Variants in CACNB1 observed in about 807,000 individuals in gnomAD.
The protein encoded by CACNB1 is voltage-dependent L-type calcium channel subunit beta-1.
CACNB1 carries 29 observed loss-of-function variants against 71.6 expected under a neutral mutation model. The observed-to-expected ratio is 0.40, with a 90% CI of 0.30 to 0.55. The LOEUF is 0.55. CACNB1 is among the 20% of genes least tolerant of loss of function. CACNB1 has a pLI of 0.38. For missense variants in CACNB1, 623 were observed against 801.8 expected, an observed-to-expected ratio of 0.78 and a Z score of 2.69; for synonymous variants, 300 against 319.6, an observed-to-expected ratio of 0.94 and a Z score of 0.65.
chr17:39,184,933 A>C, intron 7 of CACNB1, 69 bp from the exon 8 acceptor site: 1 of 1,193,416 alleles, frequency 8.4e-7, no homozygotes, highest in Non-Finnish European at 1.3e-6. Flanking sequence ...CCCAGACTCC[A>C]GGCTCCCCCA....
chr17:39,185,858 GT>G (rs1202269838), intron 6 of CACNB1: 1 of 1,400,432 alleles, frequency 7.1e-7, no homozygotes, highest in Non-Finnish European at 9.7e-7. Context: ...GAACAGGTTG[GT>G]ACCACATCTG....
At position 39,191,551 on chromosome 17, in the gene CACNB1, C is replaced by T. The variant is rs752993869; in HGVS notation, c.214G>A (p.Val72Ile). The part of the protein sequence containing the change: ...SYTSRPSDSD[V>I]SLEEDREALR... Reference sequence around the variant, plus strand: ...GCTTCCCGGTCCTCCTCCAGAGATACATCAGAGTCTGATGGACGGCTGGTG... The same window carrying T: ...GCTTCCCGGTCCTCCTCCAGAGATATATCAGAGTCTGATGGACGGCTGGTG... The change falls in exon 3 of 14, where the codon GTA becomes ATA. Residue 72 changes from valine (V) to isoleucine (I), a missense_variant. By Grantham distance (29) the Val-to-Ile change is conservative. Coordinates refer to ENST00000394303, the MANE Select transcript of CACNB1 (RefSeq NM_000723.5). 4.3e-6 allele frequency: 7 copies of T among 1,611,370 alleles called. No individual in the cohort carries two copies. The highest frequency in any genetic ancestry group is 1.3e-5 in the African/African-American group (1 of 74,722).
At chr17:39,178,419 C>T (rs534188023) in intron 11 of CACNB1, 6 of 201,578 alleles carry the variant, frequency 3.0e-5, no homozygotes, top group East Asian at 1.2e-4. Flanking sequence ...GACTGGTTCT[C>T]GCTCTGTCAC....
At chr17:39,195,827 C>T (rs927555369) in intron 1 of CACNB1, among the ~76,000 whole-genome samples, 2 of 152,184 alleles carry the variant, frequency 1.3e-5, no homozygotes, top group Non-Finnish European at 2.9e-5. Flanking sequence ...AAATGTCCCT[C>T]GGCCCCGCAC....
chr17:39,192,867 G>A (rs1355132938), intron 2 of CACNB1: 1 of 152,306 alleles, frequency 6.6e-6, no homozygotes, highest in Non-Finnish European at 1.5e-5. Flanking sequence ...GCGGAGGAAG[G>A]GTTGGGGTGG....
intron 11 of CACNB1, 103 bp from the exon 12 acceptor site, chr17:39,178,182 C>G: frequency 4.9e-6 from 4 of 819,622 alleles, no homozygotes. Flanking sequence ...GAGCCAGTGT[C>G]AAGACCCTTG....
In CACNB1 at chr17:39,175,272, C is replaced by G; in HGVS notation, c.1718G>C (p.Cys573Ser). The G allele has an allele frequency of 6.2e-7, 1 of 1,614,194 alleles. No homozygotes were observed. The change falls in exon 14 of 14, where the codon TGC (cysteine) becomes TCC (serine). Residue 573 changes from cysteine (C) to serine (S), a missense_variant. Transcript: ENST00000394303. The surrounding 1 kb of genome is among the most constrained non-coding windows in gnomAD (Gnocchi z 4.7). ...CAAAACTGGACCCCCACCCTCAGCGCAGTAGCGGGCCTTATTCCGGCCCCG... is the reference window on the plus strand; with the variant it reads ...CAAAACTGGACCCCCACCCTCAGCGGAGTAGCGGGCCTTATTCCGGCCCCG... ...RNRGRNKARY[C>S]AEGGGPVLGR...
At chr17:39,190,634 C>T (rs538725737) in intron 3 of CACNB1, among the ~76,000 whole-genome samples, 17 of 151,456 alleles carry the variant, frequency 1.1e-4, no homozygotes, top group African/African-American at 4.1e-4. Context: ...CACCACATTG[C>T]CCAAGCTGGT....
intron 6 of CACNB1, chr17:39,185,848 G>A: frequency 7.6e-7 from 1 of 1,321,646 alleles, no homozygotes; most frequent in Non-Finnish European, 1.0e-6. Context: ...GATGCCCACA[G>A]AACAGGTTGG....
chr17:39,185,184 G>A (rs747996784), intron 6 of CACNB1, 34 bp from the exon 7 acceptor site: 3 of 1,598,064 alleles, frequency 1.9e-6, no homozygotes, highest in East Asian at 2.2e-5. Flanking sequence ...AGGGAAGGGG[G>A]AGGAGAGAGG....
At chr17:39,187,344 G>A (rs1480742343) in intron 4 of CACNB1, 135 bp downstream of exon 4, 8 of 963,886 alleles carry the variant, frequency 8.3e-6, no homozygotes, top group South Asian at 3.1e-5. Flanking sequence ...GAGGCTCAGA[G>A]AGGTGGAGAG....
At chr17:39,195,918 G>A (rs902330111) in intron 1 of CACNB1, among the ~76,000 whole-genome samples, 3 of 152,134 alleles carry the variant, frequency 2.0e-5, no homozygotes, top group African/African-American at 4.8e-5. Context: ...AGGAAATACC[G>A]CCTGACCATT....
intron 4 of CACNB1, chr17:39,187,131 T>G (rs1482945988): frequency 3.2e-6 from 2 of 619,508 alleles, no homozygotes; most frequent in Admixed American, 5.8e-5. Flanking sequence ...TTTCTGGCCA[T>G]GGACCACCCT....
In CACNB1 at chr17:39,191,531, C is replaced by T. The variant is rs2144166590; in HGVS notation, c.234G>A (p.Arg78=). 1.9e-6 allele frequency: 3 copies of T among 1,610,682 alleles called. No homozygotes were observed. Among genetic ancestry groups the T allele is most frequent in the Non-Finnish European group, 2.5e-6 (3 of 1,179,018 alleles). Residue 78 remains arginine (R), a synonymous_variant, in exon 3 of 14, where the codon CGG becomes CGA. Transcript: ENST00000394303. ...GCTCTGCTTCCTTCCTTAAGGCTTCCCGGTCCTCCTCCAGAGATACATCAG... is the reference window on the plus strand; with the variant it reads ...GCTCTGCTTCCTTCCTTAAGGCTTCTCGGTCCTCCTCCAGAGATACATCAG... ...SDSDVSLEED[R]EALRKEAERQ...
At chr17:39,183,659 A>C (rs752977673) in intron 11 of CACNB1, 54 bp downstream of exon 11, 1 of 1,429,788 alleles carries the variant, frequency 7.0e-7, no homozygotes, top group Non-Finnish European at 9.4e-7. Flanking sequence ...ATTTAAACCC[A>C]AGCAGCCCTT....
intron 7 of CACNB1, 37 bp from the exon 8 acceptor site, chr17:39,184,901 G>C: frequency 7.2e-7 from 1 of 1,379,674 alleles, no homozygotes. Context: ...CCCCAGAGTG[G>C]AGATGACATT....
At chr17:39,179,096 A>G (rs1022095724) in intron 11 of CACNB1, among the ~76,000 whole-genome samples, 1 of 151,806 alleles carries the variant, frequency 6.6e-6, no homozygotes, top group Admixed American at 6.6e-5. Context: ...GATCGAGACC[A>G]TCCTGGCTAA....
chr17:39,177,487 C>G lies in CACNB1; in HGVS notation c.1195G>C (p.Glu399Gln). 6.2e-7 allele frequency: 1 copy of G among 1,608,308 alleles called. No individual in the cohort carries two copies. The highest frequency in any genetic ancestry group is 8.5e-7 in the Non-Finnish European group (1 of 1,175,796). ...LDENQLEDACEHLAEYLEAYW... is the reference protein window; with the variant it reads ...LDENQLEDACQHLAEYLEAYW... ...GCTTCCAAGTACTCCGCCAGATGCTCGCAGGCATCCTCCAATTGGTTCTCA... is the reference window on the plus strand; with the variant it reads ...GCTTCCAAGTACTCCGCCAGATGCTGGCAGGCATCCTCCAATTGGTTCTCA... The change falls in exon 13 of 14, where the codon GAG becomes CAG. Residue 399 changes from glutamate (E) to glutamine (Q), a missense_variant. Coordinates refer to ENST00000394303, the MANE Select transcript of CACNB1 (RefSeq NM_000723.5).
Position 39,175,258 on chromosome 17 carries a change from C to G in CACNB1, c.1732G>C (p.Gly578Arg), listed in dbSNP as rs1192753272. Residue 578 changes from glycine to arginine, a missense_variant, in exon 14 of 14, where the codon GGT becomes CGT. By Grantham distance (125) the Gly-to-Arg change is moderately radical (BLOSUM62 -2). Coordinates refer to ENST00000394303, the MANE Select transcript of CACNB1 (RefSeq NM_000723.5). The surrounding 1 kb of genome is among the most constrained non-coding windows in gnomAD (Gnocchi z 4.7). ...TTCTTGTTGCGCCCCAAAACTGGACCCCCACCCTCAGCGCAGTAGCGGGCC... is the reference window on the plus strand; with the variant it reads ...TTCTTGTTGCGCCCCAAAACTGGACGCCCACCCTCAGCGCAGTAGCGGGCC... ...NKARYCAEGG[G>R]PVLGRNKNEL... 1 of 1,614,180 alleles carries G rather than the reference C, an allele frequency of 6.2e-7. No individual in the cohort carries two copies. Among genetic ancestry groups the G allele is most frequent in the East Asian group, 2.2e-5 (1 of 44,874 alleles).
Sources: gnomAD v4.1 joint callset for allele counts (sites outside exome capture counted in the v4.1 genomes callset) on GRCh38, gnomAD v4.1.1 for gene constraint, Gnocchi (gnomAD v3.1) non-coding constraint, MANE v1.5 for transcripts, NCBI Gene and HGNC (gene_info 2026-07-23, HGNC 2026-07-21) for gene names.